Variants in FOXN2 observed in about 807,000 individuals in gnomAD.
The protein encoded by FOXN2 is forkhead box protein N2.
In FOXN2, 19 loss-of-function variants were observed where a neutral mutation model predicts 41.2. The observed-to-expected ratio is 0.46, with a 90% CI of 0.32 to 0.68. FOXN2 has a LOEUF of 0.68. Among genes scored for constraint, FOXN2 ranks in the 30% least tolerant of loss-of-function variants. FOXN2 has a pLI of 0.03. For missense variants in FOXN2, 587 were observed against 509.4 expected (o/e 1.15, Z -1.47); for synonymous variants, 195 against 176.8 (o/e 1.10, Z -0.82).
rs994927415 is a variant in FOXN2 at position 48,376,901 on chromosome 2, T to A, written c.*1458T>A. 1.3e-5 allele frequency: 2 copies of A among 152,516 alleles called. No individual in the cohort carries two copies. Among genetic ancestry groups the A allele is most frequent in the African/African-American group, 4.8e-5 (2 of 41,468 alleles). 9.4% of individuals were successfully genotyped at this position (152,516 alleles called of 1,614,324 possible). ...ACATATGTACACATACATATACACA[T>A]ATGCACAGTCAAGGTCATGATGTTG... On this transcript the variant is annotated 3_prime_UTR_variant, in exon 7 of 7. Coordinates refer to ENST00000340553, the MANE Select transcript of FOXN2 (RefSeq NM_002158.4).
Position 48,378,927 on chromosome 2 carries a change from TTA to T in FOXN2, c.*3486_*3487del, listed in dbSNP as rs1445983399. The T allele has an allele frequency of 2.0e-5, 3 of 152,622 alleles. No individual in the cohort carries two copies. The highest frequency in any genetic ancestry group is 7.2e-5 in the African/African-American group (3 of 41,464). 9.5% of individuals were successfully genotyped at this position (152,622 alleles called of 1,614,324 possible). On this transcript the variant is annotated 3_prime_UTR_variant, in exon 7 of 7. Coordinates refer to ENST00000340553, the MANE Select transcript of FOXN2 (RefSeq NM_002158.4). Reference sequence around the variant, plus strand: ...AAACTAAGTGCTTAATTTTAAAGTATTATGTTGCCATCATATAGTGTATAAAA... The same window carrying T: ...AAACTAAGTGCTTAATTTTAAAGTATTGTTGCCATCATATAGTGTATAAAA...
intron 1 of FOXN2, among the ~76,000 whole-genome samples, chr2:48,317,595 C>CCTTT (rs1669006573): frequency 2.9e-5 from 1 of 34,712 alleles, no homozygotes; most frequent in African/African-American, 8.7e-5. Flanking sequence ...TATAGTATTG[C>CCTTT]TTTTTTTTTT....
chr2:48,367,118 T>C (rs1672584416), intron 5 of FOXN2, among the ~76,000 whole-genome samples: 1 of 152,166 alleles, frequency 6.6e-6, no homozygotes, highest in Non-Finnish European at 1.5e-5. Flanking sequence ...TTACAATGAC[T>C]TTTATGTGAC....
At position 48,346,267 on chromosome 2, in the gene FOXN2, C is replaced by G; in HGVS notation, c.53C>G (p.Ala18Gly). ...TPDKRAETPG[A>G]EKIAGLSQIY... ...GATAAGAGAGCTGAAACCCCAGGAG[C>G]TGAAAAGATTGCAGGATTAAGCCAG... The change falls in exon 3 of 7, where the codon GCT becomes GGT. Residue 18 changes from alanine to glycine, a missense_variant. By Grantham distance (60) the Ala-to-Gly change is moderately conservative. Coordinates refer to ENST00000340553, the MANE Select transcript of FOXN2 (RefSeq NM_002158.4). 2 of 1,614,014 alleles carry G rather than the reference C, an allele frequency of 1.2e-6. No individual in the cohort carries two copies. Among genetic ancestry groups the G allele is most frequent in the South Asian group, 1.1e-5 (1 of 91,076 alleles).
chr2:48,364,608 G>A (rs1384902775), intron 5 of FOXN2, among the ~76,000 whole-genome samples: 1 of 151,812 alleles, frequency 6.6e-6, no homozygotes, highest in Non-Finnish European at 1.5e-5. Context: ...GAATTTTTTA[G>A]TAATATCAGT....
intron 3 of FOXN2, among the ~76,000 whole-genome samples, chr2:48,347,269 C>T (rs1671172912): frequency 6.9e-6 from 1 of 145,504 alleles, no homozygotes; most frequent in Non-Finnish European, 1.5e-5. Context: ...ATCTGTCACC[C>T]AGCCTGGAGT....
rs897332988 is a variant in FOXN2, at chr2:48,347,195, C to T, written c.537+444C>T. Among the ~76,000 whole-genome samples, 20 of 138,070 alleles carry T rather than the reference C, an allele frequency of 1.4e-4. 1 individual carries two copies. Among genetic ancestry groups the T allele is most frequent in the Non-Finnish European group, 3.2e-5 (2 of 63,326 alleles). The allele number at this position is 138,070 out of a possible 152,430, so 90.6% of individuals were successfully genotyped here. A position where few individuals can be genotyped will look rare whatever the true frequency, so the allele number is the denominator to read the frequency against. On this transcript the variant is annotated intron_variant, in intron 3 of 6. Coordinates refer to ENST00000340553, the MANE Select transcript of FOXN2 (RefSeq NM_002158.4). Reference sequence around the variant, plus strand: ...GCCTTTTGTGGGATGAGGTGTTCTTCACTTTTGGTTTTGGTGTTTTGGTGC... The same window carrying T: ...GCCTTTTGTGGGATGAGGTGTTCTTTACTTTTGGTTTTGGTGTTTTGGTGC...
In FOXN2 at chr2:48,346,719, T is replaced by C; in HGVS notation, c.505T>C (p.Cys169Arg). ...TCGACATAATCTGTCCCTGAATAAA[T>C]GTTTTCAGAAAGTGGAAAGAAGCCA... ...SVRHNLSLNK[C>R]FQKVERSHGK... Residue 169 changes from cysteine (C) to arginine (R), a missense_variant, in exon 3 of 7, where the codon TGT (cysteine) becomes CGT (arginine). By Grantham distance (180) the Cys-to-Arg change is radical (BLOSUM62 -3). Coordinates refer to ENST00000340553, the MANE Select transcript of FOXN2 (RefSeq NM_002158.4). The C allele has an allele frequency of 6.3e-6, 10 of 1,597,348 alleles. No homozygotes were observed. The highest frequency in any genetic ancestry group is 8.5e-6 in the Non-Finnish European group (10 of 1,174,622).
Position 48,373,284 on chromosome 2 carries a change from C to T in FOXN2, c.704-8C>T. On this transcript the variant is annotated splice_region_variant and splice_polypyrimidine_tract_variant and intron_variant, in intron 5 of 6. Transcript: ENST00000340553. ...GAACATTAATATTATTACTTTTTCC[C>T]TTTTCAGAATCTGATATTGATGCTG... 6.3e-7 allele frequency: 1 copy of T among 1,577,102 alleles called. No homozygotes were observed. Among genetic ancestry groups the T allele is most frequent in the African/African-American group, 1.4e-5 (1 of 73,242 alleles).
chr2:48,367,193 C>G (rs989675393), intron 5 of FOXN2, among the ~76,000 whole-genome samples: 12 of 152,038 alleles, frequency 7.9e-5, no homozygotes, highest in African/African-American at 2.9e-4. Context: ...ACTGAGATAG[C>G]AGAACGAAAT....
chr2:48,326,887 A>C (rs1488333316), intron 1 of FOXN2, among the ~76,000 whole-genome samples: 1 of 152,204 alleles, frequency 6.6e-6, no homozygotes, highest in Non-Finnish European at 1.5e-5. Flanking sequence ...AAATATTCCA[A>C]AGTCCCAAAA....
intron 2 of FOXN2, among the ~76,000 whole-genome samples, chr2:48,338,991 T>C (rs1453048344): frequency 1.3e-5 from 2 of 152,026 alleles, no homozygotes; most frequent in Non-Finnish European, 2.9e-5. Flanking sequence ...TTACAAATCA[T>C]TAAGAAAACC....
At chr2:48,319,847 G>A (rs1417395764) in intron 1 of FOXN2, among the ~76,000 whole-genome samples, 1 of 128,570 alleles carries the variant, frequency 7.8e-6, no homozygotes, top group Non-Finnish European at 1.5e-5. Context: ...GCCCAGGCTC[G>A]TCTCAAACTC....
upstream of FOXN2, among the ~76,000 whole-genome samples, chr2:48,314,170 CATAACGTGGGGT>C (rs1668722289): frequency 6.6e-6 from 1 of 152,264 alleles, no homozygotes. Flanking sequence ...CGGAAACCCA[CATAACGTGGGGT>C]GTCGAGGAAG....
intron 2 of FOXN2, among the ~76,000 whole-genome samples, chr2:48,333,741 C>T (rs1670165863): frequency 6.6e-6 from 1 of 152,102 alleles, no homozygotes. Context: ...TTTTCTTAAC[C>T]CTATAGTGGC....
chr2:48,328,494 A>G (rs1401851275), intron 1 of FOXN2, 67 bp from the exon 2 acceptor site: 5 of 152,230 alleles, frequency 3.3e-5, no homozygotes, highest in African/African-American at 9.6e-5. Context: ...ACAAGAAAAA[A>G]AGTCTATATC....
chr2:48,346,655 A>G lies in FOXN2; in HGVS notation c.441A>G (p.Pro147=), dbSNP rs369661308. The G allele has an allele frequency of 1.2e-5, 19 of 1,614,012 alleles. No homozygotes were observed. The highest frequency in any genetic ancestry group is 4.0e-5 in the African/African-American group (3 of 74,932). ...EIYSWILDHF[P]YFATAPTGWK... is the part of the protein sequence containing the mutation. The stretch of plus-strand genomic sequence containing the variant: ...ATAGCTGGATTCTGGACCATTTTCC[A>G]TATTTTGCTACTGCACCAACAGGCT... The change falls in exon 3 of 7, where the codon CCA becomes CCG. Residue 147 remains proline (P), a synonymous_variant. Transcript: ENST00000340553.
intron 1 of FOXN2, among the ~76,000 whole-genome samples, chr2:48,318,351 T>G (rs1449892332): frequency 6.6e-6 from 1 of 152,260 alleles, no homozygotes; most frequent in Non-Finnish European, 1.5e-5. Context: ...TCAGACATTT[T>G]ATAGAATATC....
chr2:48,369,881 T>C (rs1174325526), intron 5 of FOXN2, among the ~76,000 whole-genome samples: 2 of 151,944 alleles, frequency 1.3e-5, no homozygotes, highest in Admixed American at 1.3e-4. Context: ...ATGCCTGTGG[T>C]CCCAGCTACT....
Sources: allele counts gnomAD v4.1 joint callset (sites outside exome capture counted in the v4.1 genomes callset), GRCh38; gene constraint gnomAD v4.1.1; transcripts MANE v1.5; gene names NCBI Gene and HGNC (gene_info 2026-07-23, HGNC 2026-07-21).